LTBP1: variants seen among roughly 807,000 people sequenced by gnomAD.
LTBP1 encodes latent transforming growth factor beta binding protein 1.
A neutral mutation model predicts 207.6 loss-of-function variants in LTBP1; 129 were observed. The ratio of observed to expected loss-of-function variants is 0.62; its 90% CI spans 0.54 to 0.72. The LOEUF (loss-of-function observed/expected upper bound fraction) is 0.72, where lower values mean the gene tolerates loss of function less well. Among genes scored for constraint, LTBP1 ranks in the 30% least tolerant of loss-of-function variants. LTBP1 has a pLI of 0.00. For missense variants in LTBP1, 2,281 were observed against 2,217.2 expected, an observed-to-expected ratio of 1.03 and a Z score of -0.58; for synonymous variants, 963 against 833.7, an observed-to-expected ratio of 1.16 and a Z score of -2.67.
At chr2:33,098,272 C>A (rs906277622) in intron 3 of LTBP1, among the ~76,000 whole-genome samples, 3 of 152,134 alleles carry the variant, frequency 2.0e-5, no homozygotes, top group African/African-American at 7.2e-5. Context: ...TGTCCTTTGT[C>A]CATTTTCCTA....
intron 19 of LTBP1, among the ~76,000 whole-genome samples, chr2:33,281,290 G>A (rs6739725): frequency 0.45 from 68,168 of 151,606 alleles, 15,944 homozygotes; most frequent in African/African-American, 0.49. Context: ...AGAGCATATG[G>A]TAGAACGAGC....
At chr2:33,365,767 T>G (rs2094979088) in intron 31 of LTBP1, among the ~76,000 whole-genome samples, 1 of 150,966 alleles carries the variant, frequency 6.6e-6, no homozygotes, top group Non-Finnish European at 1.5e-5. Context: ...CAAAAAAACA[T>G]AACTTAGCAA....
rs79639553 is a variant in LTBP1 at position 33,384,050 on chromosome 2, T to C, written c.4712-5134T>C. Among the ~76,000 whole-genome samples, 2,710 of 152,288 alleles carry C rather than the reference T, an allele frequency of 0.018. 200 individuals are homozygous for C. In the East Asian group the frequency reaches 0.23, roughly 13 times the overall value. ...GGTCTCCTCACATGCCAGGGTAGCA[T>C]TGTGACATGTGACTGTCCAGACTGC... On this transcript the variant is annotated intron_variant, in intron 31 of 33. Coordinates refer to ENST00000404816, the MANE Select transcript of LTBP1 (RefSeq NM_206943.4).
chr2:33,026,952 G>A (rs769488517), intron 3 of LTBP1, among the ~76,000 whole-genome samples: 7 of 152,200 alleles, frequency 4.6e-5, no homozygotes, highest in Admixed American at 2.0e-4. Flanking sequence ...CCTCCTCACC[G>A]GAGGGAGCTA....
intron 31 of LTBP1, among the ~76,000 whole-genome samples, chr2:33,380,638 T>C (rs1053193549): frequency 3.3e-5 from 5 of 152,194 alleles, no homozygotes; most frequent in Non-Finnish European, 7.3e-5. Flanking sequence ...TTCGAGATCA[T>C]CTAGTCTTAT....
chr2:33,243,863 G>A lies in LTBP1; in HGVS notation c.1999+79G>A, dbSNP rs937459110. The A allele has an allele frequency of 9.4e-6, 14 of 1,495,290 alleles. No individual in the cohort carries two copies. The Admixed American group carries it at 2.5e-4, about 26-fold the overall frequency. 92.6% of individuals were successfully genotyped at this position (1,495,290 alleles called of 1,614,324 possible). On this transcript the variant is annotated intron_variant, in intron 10 of 33. Transcript: ENST00000404816. The stretch of plus-strand genomic sequence containing the variant: ...TTCCAAAAGAACGGAAATACTCAGT[G>A]GCCAACTGAATGCTTGTAAATATAC...
At chr2:33,253,991 A>G (rs1573446173) in intron 11 of LTBP1, among the ~76,000 whole-genome samples, 1 of 144,468 alleles carries the variant, frequency 6.9e-6, no homozygotes, top group South Asian at 2.2e-4. Context: ...CCAGGTTCAC[A>G]CCATTCTCCT....
chr2:33,192,356 T>C (rs1048894237), intron 7 of LTBP1, among the ~76,000 whole-genome samples: 22 of 152,088 alleles, frequency 1.4e-4, no homozygotes, highest in Non-Finnish European at 8.8e-5. Flanking sequence ...GAATTACCCA[T>C]GAAGTGTTCT....
chr2:33,025,690 G>C (rs975020326), intron 3 of LTBP1, among the ~76,000 whole-genome samples: 1 of 152,182 alleles, frequency 6.6e-6, no homozygotes, highest in Non-Finnish European at 1.5e-5. Flanking sequence ...ATAAGGAGGA[G>C]AATCATGTTA....
chr2:33,254,871 T>TTTG (rs2092801981), intron 11 of LTBP1, among the ~76,000 whole-genome samples: 4 of 120,048 alleles, frequency 3.3e-5, no homozygotes, highest in Admixed American at 8.5e-5. Flanking sequence ...TTTTTTTTTT[T>TTTG]TTTTTTTTTT....
chr2:33,302,920 CTGGGCG>C (rs1359636994), intron 22 of LTBP1, among the ~76,000 whole-genome samples: 13 of 150,904 alleles, frequency 8.6e-5, no homozygotes, highest in Non-Finnish European at 1.5e-5. Context: ...CAAATATTAG[CTGGGCG>C]TGGTGGCGCC....
Position 33,275,169 on chromosome 2 carries a change from C to T in LTBP1, c.2869+79C>T, listed in dbSNP as rs865965201. ...CCCTAAGACTATCATCAGTTCAGTGCTTATCCAGACAACCCAGAATTTTTT... is the reference window on the plus strand; with the variant it reads ...CCCTAAGACTATCATCAGTTCAGTGTTTATCCAGACAACCCAGAATTTTTT... On this transcript the variant is annotated intron_variant, in intron 17 of 33. Transcript: ENST00000404816. 3.2e-5 allele frequency: 49 copies of T among 1,514,220 alleles called. No homozygotes were observed. In the Middle Eastern group the frequency reaches 1.6e-3, roughly 49 times the overall value. The allele number at this position is 1,514,220 out of a possible 1,614,324, so 93.8% of individuals were successfully genotyped here.
intron 31 of LTBP1, among the ~76,000 whole-genome samples, chr2:33,384,827 G>GCCAA (rs2095251807): frequency 6.6e-6 from 1 of 152,030 alleles, no homozygotes; most frequent in African/African-American, 2.4e-5. Context: ...GATAACCAAG[G>GCCAA]CCAAGCACCT....
intron 7 of LTBP1, among the ~76,000 whole-genome samples, chr2:33,203,662 T>A (rs967232847): frequency 9.9e-5 from 15 of 152,200 alleles, no homozygotes; most frequent in Admixed American, 3.9e-4. Context: ...AAAATGCCTT[T>A]ATCATGACGT....
At chr2:33,325,185 G>A (rs2094411300) in intron 24 of LTBP1, among the ~76,000 whole-genome samples, 1 of 152,172 alleles carries the variant, frequency 6.6e-6, no homozygotes, top group African/African-American at 2.4e-5. Flanking sequence ...GGGCTAGTAA[G>A]CTGACAGCCA....
At chr2:33,297,344 C>G (rs888604178) in intron 20 of LTBP1, among the ~76,000 whole-genome samples, 1 of 151,834 alleles carries the variant, frequency 6.6e-6, no homozygotes, top group Non-Finnish European at 1.5e-5. Context: ...CTTTTTTTTG[C>G]AGATGAGAAA....
At chr2:33,271,505 T>A (rs1412002355) in intron 15 of LTBP1, among the ~76,000 whole-genome samples, 1 of 152,198 alleles carries the variant, frequency 6.6e-6, no homozygotes, top group African/African-American at 2.4e-5. Flanking sequence ...AGAAGAGAAT[T>A]CTTACCTGAA....
intron 7 of LTBP1, among the ~76,000 whole-genome samples, chr2:33,214,978 G>T (rs1454379): frequency 1.4e-4 from 21 of 151,658 alleles, no homozygotes; most frequent in Admixed American, 6.6e-5. Flanking sequence ...TCGTAGGGTC[G>T]TTTCTTATGG....
At chr2:33,310,706 C>T (rs915286603) in intron 23 of LTBP1, among the ~76,000 whole-genome samples, 6 of 152,168 alleles carry the variant, frequency 3.9e-5, no homozygotes, top group African/African-American at 1.4e-4. Flanking sequence ...ATTTCTCTCA[C>T]AAGGTAGCCC....
Sources: gnomAD v4.1 joint callset for allele counts (sites outside exome capture counted in the v4.1 genomes callset) on GRCh38, gnomAD v4.1.1 for gene constraint, MANE v1.5 for transcripts, NCBI Gene and HGNC (gene_info 2026-07-23, HGNC 2026-07-21) for gene names.